The following MCC variants were observed in gnomAD, a reference collection of about 807,000 sequenced individuals.
MCC encodes the protein colorectal mutant cancer protein.
Under a neutral mutation model 116.2 loss-of-function variants are expected in MCC, and 90 were observed. The observed-to-expected ratio is 0.77, with a 90% confidence interval of 0.65 to 0.92. The LOEUF is 0.92. Ranked by LOEUF, MCC falls within the 40% of genes least tolerant of loss-of-function variation. The pLI is 0.00. For missense variants in MCC, 1,516 were observed against 1,312.2 expected (o/e 1.16, Z -2.40); for synonymous variants, 578 against 510.5 (o/e 1.13, Z -1.78).
chr5:113,268,875 T>A (rs1765510981), intron 3 of MCC, among the ~76,000 whole-genome samples: 1 of 152,130 alleles, frequency 6.6e-6, no homozygotes, highest in African/African-American at 2.4e-5. Context: ...GCCAACAGTT[T>A]TACTCAATGG....
intron 3 of MCC, among the ~76,000 whole-genome samples, chr5:113,273,225 C>A (rs1196890166): frequency 6.6e-6 from 1 of 152,178 alleles, no homozygotes; most frequent in Non-Finnish European, 1.5e-5. Flanking sequence ...AAAATTCATT[C>A]ATTACCAGTT....
chr5:113,187,767 A>G (rs998835238), intron 3 of MCC, among the ~76,000 whole-genome samples: 11 of 151,472 alleles, frequency 7.3e-5, no homozygotes, highest in African/African-American at 2.7e-4. Context: ...AAAAAAAAAA[A>G]AAAAGAAAGA....
chr5:113,150,605 A>G (rs1430026944), intron 4 of MCC, among the ~76,000 whole-genome samples: 2 of 152,134 alleles, frequency 1.3e-5, no homozygotes, highest in Non-Finnish European at 1.5e-5. Flanking sequence ...AAGGCTAAAA[A>G]CAACACATAA....
chr5:113,439,353 G>GACACACGAA (rs1770960308), intron 1 of MCC, among the ~76,000 whole-genome samples: 1 of 152,090 alleles, frequency 6.6e-6, no homozygotes, highest in Admixed American at 6.5e-5. Context: ...GAGGTGATGA[G>GACACACGAA]ACACACGAGG....
rs528769219 is a variant in MCC at position 113,318,163 on chromosome 5, A to G, written c.627+22356T>C. ...TGGGAAGGAGCTACAGTTTGAGTAC[A>G]TTCATTTTTTAAAGCACTGTACTTT... On this transcript the variant is annotated intron_variant, in intron 3 of 18. Transcript: ENST00000408903. 2.0e-5 allele frequency among the ~76,000 whole-genome samples: 3 copies of G among 152,312 alleles called. No individual in the cohort carries two copies. In the East Asian group the frequency reaches 5.8e-4, roughly 29 times the overall value.
At chr5:113,047,184 C>T (rs887527982) in intron 16 of MCC, among the ~76,000 whole-genome samples, 1 of 152,206 alleles carries the variant, frequency 6.6e-6, no homozygotes, top group Non-Finnish European at 1.5e-5. Flanking sequence ...GCTAAGAATT[C>T]AGCCTCGCAC....
intron 6 of MCC, among the ~76,000 whole-genome samples, chr5:113,106,078 C>G (rs767014336): frequency 1.3e-5 from 2 of 152,186 alleles, no homozygotes; most frequent in Non-Finnish European, 2.9e-5. Context: ...AACCACTGAT[C>G]TGATCTTGCC....
intron 1 of MCC, among the ~76,000 whole-genome samples, chr5:113,468,718 C>T (rs1200542701): frequency 6.6e-6 from 1 of 152,066 alleles, no homozygotes; most frequent in African/African-American, 2.4e-5. Flanking sequence ...GGGAGGATTC[C>T]CTCTTTTTCT....
intron 1 of MCC, among the ~76,000 whole-genome samples, chr5:113,420,345 G>C (rs909445448): frequency 1.5e-4 from 23 of 152,064 alleles, no homozygotes; most frequent in African/African-American, 5.1e-4. Flanking sequence ...AAATCTGACA[G>C]CATTTGCCAC....
chr5:113,366,260 C>G (rs564967259), intron 2 of MCC, among the ~76,000 whole-genome samples: 56 of 151,636 alleles, frequency 3.7e-4, no homozygotes, highest in African/African-American at 1.3e-3. Context: ...GATTTTCTTT[C>G]TGGACACAGT....
At chr5:113,239,660 C>G (rs1012513670) in intron 3 of MCC, among the ~76,000 whole-genome samples, 2 of 152,158 alleles carry the variant, frequency 1.3e-5, no homozygotes. Flanking sequence ...AAGTGCTGCC[C>G]ATTTGTGGCA....
At chr5:113,029,491 C>CA (rs1750811904) in intron 17 of MCC, among the ~76,000 whole-genome samples, 1 of 151,896 alleles carries the variant, frequency 6.6e-6, no homozygotes. Flanking sequence ...AACAGGTCCC[C>CA]ACTCATTGAG....
In MCC at chr5:113,369,773, T is replaced by A. The variant is rs573218108; in HGVS notation, c.415+15195A>T. ...TAAATGAACTTTATCAGACCAGGCA[T>A]AGACAAAAGTGAAACAGACAAAATG... is the stretch of plus-strand genomic sequence containing the variant. On this transcript the variant is annotated intron_variant, in intron 2 of 18. Coordinates refer to ENST00000408903, the MANE Select transcript of MCC (RefSeq NM_001085377.2). Among the ~76,000 whole-genome samples, 3 of 152,312 alleles carry A rather than the reference T, an allele frequency of 2.0e-5. No homozygotes were observed. The East Asian group carries it at 5.8e-4, about 29-fold the overall frequency.
chr5:113,186,587 C>T (rs1261183923), intron 3 of MCC, among the ~76,000 whole-genome samples: 1 of 152,198 alleles, frequency 6.6e-6, no homozygotes, highest in African/African-American at 2.4e-5. Flanking sequence ...GCCTGCCCTA[C>T]AGCAGCACTT....
intron 15 of MCC, 23 bp downstream of exon 15, chr5:113,053,702 C>T (rs1211091650): frequency 6.4e-7 from 1 of 1,566,322 alleles, no homozygotes; most frequent in Non-Finnish European, 8.8e-7. Flanking sequence ...CAGCCTAGCA[C>T]ATGGGACCCA....
intron 3 of MCC, among the ~76,000 whole-genome samples, chr5:113,332,944 C>G (rs1172315839): frequency 1.3e-5 from 2 of 151,638 alleles, no homozygotes; most frequent in Non-Finnish European, 2.9e-5. Flanking sequence ...GAAAACTCTT[C>G]TTAAGAATTT....
intron 2 of MCC, among the ~76,000 whole-genome samples, chr5:113,376,606 C>CACAT (rs1768988915): frequency 6.6e-6 from 1 of 151,336 alleles, no homozygotes. Flanking sequence ...CACACACACA[C>CACAT]ATATCAGTAT....
At chr5:113,365,150 C>T (rs549115283) in intron 2 of MCC, among the ~76,000 whole-genome samples, 40 of 152,338 alleles carry the variant, frequency 2.6e-4, no homozygotes, top group Admixed American at 7.8e-4. Flanking sequence ...CTTTTACACC[C>T]TCCTTCCTTT....
intron 2 of MCC, among the ~76,000 whole-genome samples, chr5:113,365,063 A>T (rs1256599543): frequency 6.6e-6 from 1 of 152,146 alleles, no homozygotes; most frequent in Non-Finnish European, 1.5e-5. Flanking sequence ...ACACAAATTT[A>T]TGTGGCCTAA....
Sources: allele counts gnomAD v4.1 joint callset (sites outside exome capture counted in the v4.1 genomes callset), GRCh38; gene constraint gnomAD v4.1.1; transcripts MANE v1.5; gene names NCBI Gene and HGNC (gene_info 2026-07-23, HGNC 2026-07-21).